TMEM232: variants seen among roughly 807,000 people sequenced by gnomAD.
TMEM232 encodes transmembrane protein 232.
A neutral mutation model predicts 78.8 loss-of-function variants in TMEM232; 80 were observed. The ratio of observed to expected loss-of-function variants is 1.01; its 90% confidence interval spans 0.85 to 1.22. The LOEUF (loss-of-function observed/expected upper bound fraction) is 1.22. Ranked by LOEUF, TMEM232 falls within the 50% of genes most tolerant of loss-of-function variation. The probability of loss-of-function intolerance (pLI) is 0.00; values close to 1 mark genes in which losing one functional copy is unlikely to be tolerated. For missense variants in TMEM232, 881 were observed against 742.2 expected, an observed-to-expected ratio of 1.19 and a Z score of -2.17; for synonymous variants, 297 against 254.3, an observed-to-expected ratio of 1.17 and a Z score of -1.60.
rs1005935635 is a variant in TMEM232 at position 110,528,693 on chromosome 5, G to C, written c.1598C>G (p.Ala533Gly). The change falls in exon 12 of 14, where the codon GCC (alanine) becomes GGC (glycine). Residue 533 changes from alanine to glycine, a missense_variant. By Grantham distance (60) the Ala-to-Gly change is moderately conservative. Transcript: ENST00000455884. ...TGGTTTCTTCAAAGGAAGAAAATGG[G>C]CCTCAATGGGGGGAAAGAATAGTTT... ...LSKLFFPPIE[A>G]HFLPLKKPSI... 1.3e-6 allele frequency: 2 copies of C among 1,535,032 alleles called. No individual in the cohort carries two copies. Among genetic ancestry groups the C allele is most frequent in the African/African-American group, 1.4e-5 (1 of 73,112 alleles).
At chr5:110,494,087 G>T (rs890551388) in intron 12 of TMEM232, among the ~76,000 whole-genome samples, 1 of 151,942 alleles carries the variant, frequency 6.6e-6, no homozygotes, top group Non-Finnish European at 1.5e-5. Context: ...CCCTGCTAAG[G>T]ACATGAACTC....
At chr5:110,463,206 GATCA>G (rs1254627403) in intron 12 of TMEM232, among the ~76,000 whole-genome samples, 2 of 152,104 alleles carry the variant, frequency 1.3e-5, no homozygotes, top group Non-Finnish European at 2.9e-5. Context: ...CCACAACCCT[GATCA>G]GTCAGCAGCC....
At chr5:110,695,716 T>C (rs1427973431) in intron 1 of TMEM232, among the ~76,000 whole-genome samples, 2 of 152,254 alleles carry the variant, frequency 1.3e-5, no homozygotes, top group Non-Finnish European at 2.9e-5. Flanking sequence ...AATGGATAAA[T>C]TCCTCGACAC....
At chr5:110,619,614 T>A (rs1045415783) in intron 7 of TMEM232, among the ~76,000 whole-genome samples, 2 of 152,182 alleles carry the variant, frequency 1.3e-5, no homozygotes, top group Non-Finnish European at 2.9e-5. Context: ...TATTCTAAAA[T>A]AATGTAAAGC....
In TMEM232 at chr5:110,394,768, T is replaced by C. The variant is rs1203317513; in HGVS notation, n.390+3005A>G. Among the ~76,000 whole-genome samples, 3 of 152,182 alleles carry C rather than the reference T, an allele frequency of 2.0e-5. No homozygotes were observed. In the East Asian group the frequency reaches 5.8e-4, roughly 29 times the overall value. ...CAAATCATCTAGTGTTACCTTCTATTCATCATGTGTGCTGGTTTGCTAGAG... is the reference window on the plus strand; with the variant it reads ...CAAATCATCTAGTGTTACCTTCTATCCATCATGTGTGCTGGTTTGCTAGAG... On this transcript the variant is annotated intron_variant and non_coding_transcript_variant, in intron 3 of 8. Transcript: ENST00000507188.
chr5:110,635,615 A>T (rs1442517495), intron 5 of TMEM232, among the ~76,000 whole-genome samples: 7 of 152,100 alleles, frequency 4.6e-5, no homozygotes, highest in African/African-American at 1.4e-4. Context: ...AAAGCATTTG[A>T]AAAAATTCAG....
intron 2 of TMEM232, among the ~76,000 whole-genome samples, chr5:110,661,745 T>C (rs1387374774): frequency 3.3e-5 from 5 of 152,228 alleles, no homozygotes; most frequent in Non-Finnish European, 1.5e-5. Flanking sequence ...ATAATGGCTA[T>C]GCTAATTTAC....
At chr5:110,524,428 AAGAAAAGAAAAGAAAG>A (rs1770234519) in intron 12 of TMEM232, among the ~76,000 whole-genome samples, 1 of 142,232 alleles carries the variant, frequency 7.0e-6, no homozygotes, top group Non-Finnish European at 1.5e-5. Context: ...AAGAAAAGAA[AAGAAAAGAAAAGAAAG>A]GAAAGAAAGA....
chr5:110,614,152 C>G (rs1782649179), intron 8 of TMEM232, among the ~76,000 whole-genome samples: 1 of 152,028 alleles, frequency 6.6e-6, no homozygotes, highest in African/African-American at 2.4e-5. Context: ...TCACTTTACT[C>G]TTCTGTTCAT....
At chr5:110,442,628 CTTAT>C (rs1365441282) in intron 12 of TMEM232, among the ~76,000 whole-genome samples, 1 of 151,900 alleles carries the variant, frequency 6.6e-6, no homozygotes, top group African/African-American at 2.4e-5. Context: ...TCCTTGGTAA[CTTAT>C]TTAGTTTGTT....
At chr5:110,642,421 C>T in intron 2 of TMEM232, 50 bp from the exon 3 acceptor site, 6 of 1,312,954 alleles carry the variant, frequency 4.6e-6, no homozygotes, top group Non-Finnish European at 6.1e-6. Context: ...GCTATCACTT[C>T]CAAATTTCAA....
chr5:110,693,821 C>T (rs1290490126), intron 1 of TMEM232, among the ~76,000 whole-genome samples: 3 of 152,100 alleles, frequency 2.0e-5, no homozygotes, highest in Non-Finnish European at 1.5e-5. Flanking sequence ...ACCAAATCTA[C>T]GTCTGATTGG....
rs1759945556 is a variant in TMEM232, at chr5:110,448,739, A to G, written c.1704-23823T>C. Among the ~76,000 whole-genome samples, 3 of 152,008 alleles carry G rather than the reference A, an allele frequency of 2.0e-5. No homozygotes were observed. The South Asian group carries it at 6.2e-4, about 31-fold the overall frequency. On this transcript the variant is annotated intron_variant, in intron 12 of 13. Coordinates refer to ENST00000455884, the MANE Select transcript of TMEM232 (RefSeq NM_001039763.4). ...AAAAGGAGGAAGGGATGCAAAATAC[A>G]TATTTTATTATTGACTTTTGAAAAC...
At chr5:110,514,341 A>G (rs1362892053) in intron 12 of TMEM232, among the ~76,000 whole-genome samples, 1 of 152,076 alleles carries the variant, frequency 6.6e-6, no homozygotes, top group African/African-American at 2.4e-5. Context: ...ATAGCTTAAA[A>G]AAAAGCACAA....
intron 1 of TMEM232, among the ~76,000 whole-genome samples, chr5:110,675,776 T>C (rs1791954269): frequency 6.6e-6 from 1 of 152,232 alleles, no homozygotes; most frequent in South Asian, 2.1e-4. Flanking sequence ...AGTTATCTTT[T>C]TTTGTGTGTA....
chr5:110,638,088 A>T lies in TMEM232; in HGVS notation c.501+110T>A, dbSNP rs1580454733. 3.5e-6 allele frequency: 3 copies of T among 847,220 alleles called. No homozygotes were observed. The East Asian group carries it at 8.8e-5, about 25-fold the overall frequency. The allele number at this position is 847,220 out of a possible 1,614,324, so 52.5% of individuals were successfully genotyped here. A position where few individuals can be genotyped will look rare whatever the true frequency, so the allele number is the denominator to read the frequency against. ...GAAGATTAAACTACCAAACAAAAGA[A>T]TATTCTATAATAAAACTAAATGTTC... On this transcript the variant is annotated intron_variant, in intron 5 of 13. Transcript: ENST00000455884.
At chr5:110,619,773 C>T (rs1232729836) in intron 7 of TMEM232, among the ~76,000 whole-genome samples, 1 of 151,984 alleles carries the variant, frequency 6.6e-6, no homozygotes, top group African/African-American at 2.4e-5. Flanking sequence ...CCTGACAATC[C>T]TCAGATTGCA....
chr5:110,436,033 T>C (rs1331584101), intron 12 of TMEM232, among the ~76,000 whole-genome samples: 2 of 151,932 alleles, frequency 1.3e-5, no homozygotes, highest in Non-Finnish European at 2.9e-5. Context: ...GGAAGCTCCA[T>C]AGTGCTCTCC....
chr5:110,717,920 G>C lies in TMEM232; in HGVS notation c.-13+8707C>G, dbSNP rs189336149. On this transcript the variant is annotated intron_variant, in intron 1 of 13. Transcript: ENST00000455884. ...ACCTCTTTCCTTTATAAATTACCCA[G>C]TCTCAGGTAGTATGTGTATAGCAGT... Among the ~76,000 whole-genome samples the C allele has an allele frequency of 3.9e-3, 597 of 152,192 alleles. 1 individual carries two copies. The highest frequency in any genetic ancestry group is 6.5e-3 in the Non-Finnish European group (444 of 68,012).
Sources: allele counts gnomAD v4.1 joint callset (sites outside exome capture counted in the v4.1 genomes callset), GRCh38; gene constraint gnomAD v4.1.1; transcripts MANE v1.5; gene names NCBI Gene and HGNC (gene_info 2026-07-23, HGNC 2026-07-21).